The following SEPTIN9 variants were observed in gnomAD, a reference collection of about 807,000 sequenced individuals.
SEPTIN9 encodes the protein septin-9.
SEPTIN9 carries 13 observed loss-of-function variants against 56.6 expected under a neutral mutation model. That is an observed-to-expected ratio of 0.23 (90% CI 0.15 to 0.37). The LOEUF (loss-of-function observed/expected upper bound fraction) is 0.37. SEPTIN9 is among the 10% of genes least tolerant of loss of function. SEPTIN9 has a pLI of 1.00. For synonymous variants in SEPTIN9, 332 were observed against 334.1 expected (o/e 0.99, Z 0.07); for missense variants, 650 against 823.1 (o/e 0.79, Z 2.57).
intron 3 of SEPTIN9, among the ~76,000 whole-genome samples, chr17:77,418,236 G>A (rs2036571830): frequency 6.6e-6 from 1 of 152,194 alleles, no homozygotes; most frequent in African/African-American, 2.4e-5. Context: ...AGCCTCTTGT[G>A]GGTCTGAAGC....
intron 1 of SEPTIN9, among the ~76,000 whole-genome samples, chr17:77,291,031 ATTT>A (rs869237556): frequency 1.8e-5 from 2 of 108,786 alleles, no homozygotes; most frequent in Admixed American, 1.9e-4. Flanking sequence ...TGCCTGGCTA[ATTT>A]TTTTTTTTTT....
intron 2 of SEPTIN9, chr17:77,373,735 T>G (rs1240511219): frequency 8.1e-7 from 1 of 1,241,724 alleles, no homozygotes; most frequent in African/African-American, 1.6e-5. Flanking sequence ...CCGCGCCGCC[T>G]ACGTGGGGGA....
chr17:77,454,457 TGA>T, intron 3 of SEPTIN9: 1 of 809,906 alleles, frequency 1.2e-6, no homozygotes, highest in African/African-American at 1.9e-5. Context: ...GCTGTACGTG[TGA>T]GTTTGTTTGA....
intron 2 of SEPTIN9, among the ~76,000 whole-genome samples, chr17:77,362,006 C>T (rs1009403099): frequency 3.9e-5 from 6 of 152,252 alleles, no homozygotes. Flanking sequence ...CATGTAGACC[C>T]CATTTGTTTC....
chr17:77,449,525 A>G lies in SEPTIN9; in HGVS notation c.722-32619A>G, dbSNP rs116623422. 8.5e-3 allele frequency among the ~76,000 whole-genome samples: 1,295 copies of G among 152,198 alleles called. 22 individuals are homozygous for G. The highest frequency in any genetic ancestry group is 0.056 in the South Asian group (268 of 4,824). On this transcript the variant is annotated intron_variant, in intron 3 of 11. Transcript: ENST00000427177. The surrounding 1 kb of genome is among the most constrained non-coding windows in gnomAD (Gnocchi z 4.6). ...GATTGAGGCCAGAGGCAAAGAGAAG[A>G]AGGTTCGGAGAGGAGGGCCAAGGAA...
At position 77,429,688 on chromosome 17, in the gene SEPTIN9, G is replaced by A. The variant is rs1271757598; in HGVS notation, c.721+26985G>A. Among the ~76,000 whole-genome samples the A allele has an allele frequency of 6.6e-6, 1 of 152,028 alleles. No individual in the cohort carries two copies. Among genetic ancestry groups the A allele is most frequent in the Non-Finnish European group, 1.5e-5 (1 of 67,992 alleles). On this transcript the variant is annotated intron_variant, in intron 3 of 11. Transcript: ENST00000427177. The surrounding 1 kb of genome is among the most constrained non-coding windows in gnomAD (Gnocchi z 5.2). ...CTGGGCAGGAGCTGGCCAGTAATAG[G>A]CTGACGAGGGAGGCCCTGCTGGCTG...
chr17:77,421,728 T>G lies in SEPTIN9; in HGVS notation c.721+19025T>G, dbSNP rs2036710428. On this transcript the variant is annotated intron_variant, in intron 3 of 11. Transcript: ENST00000427177. The surrounding 1 kb of genome is among the most constrained non-coding windows in gnomAD (Gnocchi z 4.6). Reference sequence around the variant, plus strand: ...TCGGCCGACGTCTTTCCCCAGGCACTTCCTCTCACCGTGCCAGGGTGCAGG... The same window carrying G: ...TCGGCCGACGTCTTTCCCCAGGCACGTCCTCTCACCGTGCCAGGGTGCAGG... Among the ~76,000 whole-genome samples the G allele has an allele frequency of 1.3e-5, 2 of 152,174 alleles. No homozygotes were observed. Among genetic ancestry groups the G allele is most frequent in the African/African-American group, 4.8e-5 (2 of 41,424 alleles).
At chr17:77,485,234 TG>T (rs1390872687) in intron 4 of SEPTIN9, among the ~76,000 whole-genome samples, 33 of 131,860 alleles carry the variant, frequency 2.5e-4, no homozygotes, top group Non-Finnish European at 4.4e-4. Context: ...AAGGGGGTGA[TG>T]GTGGTGATTG....
At chr17:77,493,868 G>A (rs2040145213) in intron 10 of SEPTIN9, among the ~76,000 whole-genome samples, 2 of 150,760 alleles carry the variant, frequency 1.3e-5, no homozygotes, top group South Asian at 4.2e-4. Flanking sequence ...TGCCTCCTGG[G>A]TTCAAGTAAT....
At chr17:77,349,047 ATTTTCAC>A (rs1356659198) in intron 2 of SEPTIN9, among the ~76,000 whole-genome samples, 3 of 151,490 alleles carry the variant, frequency 2.0e-5, no homozygotes, top group African/African-American at 7.3e-5. Flanking sequence ...ATTCCCTTTC[ATTTTCAC>A]TTATCTGCAA....
chr17:77,384,331 G>A (rs373647045), intron 2 of SEPTIN9, among the ~76,000 whole-genome samples: 1 of 151,840 alleles, frequency 6.6e-6, no homozygotes, highest in Non-Finnish European at 1.5e-5. Context: ...CCCAGCACAC[G>A]GCGACTTCTG....
intron 2 of SEPTIN9, among the ~76,000 whole-genome samples, chr17:77,378,515 A>G (rs556235836): frequency 6.6e-5 from 10 of 152,196 alleles, no homozygotes; most frequent in Non-Finnish European, 1.2e-4. Context: ...TGGGCGGGAA[A>G]AGGGGGCATT....
rs1385260939 is a variant in SEPTIN9 at position 77,319,852 on chromosome 17, A to C, written c.76+12655A>C. 1 of 1,089,972 alleles carries C rather than the reference A, an allele frequency of 9.2e-7. No homozygotes were observed. The highest frequency in any genetic ancestry group is 1.6e-5 in the African/African-American group (1 of 61,676). 67.5% of individuals were successfully genotyped at this position (1,089,972 alleles called of 1,614,324 possible). On this transcript the variant is annotated intron_variant, in intron 2 of 11. Transcript: ENST00000427177. The surrounding 1 kb of genome is among the most constrained non-coding windows in gnomAD (Gnocchi z 5.3). ...AGTTAAGCATCTCCAAGTGGATATT[A>C]AAAAGGAGCAGCAAGCCTCGGGGCG...
rs1194451845 is a variant in SEPTIN9, at chr17:77,475,503, GA to G, written c.722-6640del. The G allele has an allele frequency of 1.9e-6, 3 of 1,608,132 alleles. No homozygotes were observed. The highest frequency in any genetic ancestry group is 2.5e-6 in the Non-Finnish European group (3 of 1,178,106). ...ACAGGGAGCATCTGTTAGTTTATAG[GA>G]CCTGAAGTGCCCCCATGGGCTCAAG... On this transcript the variant is annotated intron_variant, in intron 3 of 11. Transcript: ENST00000427177. This position sits in a 1 kb window ranked among gnomAD's most constrained non-coding sequence, Gnocchi z 4.6.
Position 77,475,214 on chromosome 17 carries a change from G to T in SEPTIN9, c.722-6930G>T. The T allele has an allele frequency of 7.9e-7, 1 of 1,258,946 alleles. No individual in the cohort carries two copies. Among genetic ancestry groups the T allele is most frequent in the Non-Finnish European group, 1.0e-6 (1 of 998,268 alleles). The allele number at this position is 1,258,946 out of a possible 1,614,324, so 78.0% of individuals were successfully genotyped here. A position where few individuals can be genotyped will look rare whatever the true frequency, so the allele number is the denominator to read the frequency against. On this transcript the variant is annotated intron_variant, in intron 3 of 11. Transcript: ENST00000427177. The surrounding 1 kb of genome is among the most constrained non-coding windows in gnomAD (Gnocchi z 4.6). Reference sequence around the variant, plus strand: ...ACAAACCCTGTGTGGGGGGGTTGTGGTGAGAGGAAACCGCACACATCATTA... The same window carrying T: ...ACAAACCCTGTGTGGGGGGGTTGTGTTGAGAGGAAACCGCACACATCATTA...
At chr17:77,464,670 G>GCAGT (rs1455321790) in intron 3 of SEPTIN9, among the ~76,000 whole-genome samples, 2 of 150,152 alleles carry the variant, frequency 1.3e-5, no homozygotes, top group African/African-American at 4.9e-5. Flanking sequence ...GCGCGATCTT[G>GCAGT]GCTCACTGCA....
intron 1 of SEPTIN9, among the ~76,000 whole-genome samples, chr17:77,285,885 G>A (rs1441478086): frequency 2.0e-5 from 3 of 152,248 alleles, no homozygotes; most frequent in Admixed American, 2.0e-4. Context: ...CCCTCACCCA[G>A]CGCCCCGGGA....
rs2032804366 is a variant in SEPTIN9 at position 77,319,016 on chromosome 17, T to G, written c.76+11819T>G. Among the ~76,000 whole-genome samples, 2 of 152,200 alleles carry G rather than the reference T, an allele frequency of 1.3e-5. No homozygotes were observed. The highest frequency in any genetic ancestry group is 4.8e-5 in the African/African-American group (2 of 41,450). On this transcript the variant is annotated intron_variant, in intron 2 of 11. Transcript: ENST00000427177. The surrounding 1 kb of genome is among the most constrained non-coding windows in gnomAD (Gnocchi z 5.3). Reference sequence around the variant, plus strand: ...GCCCTGTGCGGCCAGGCAGGAAGGCTTCCGTGGTGCGGCCACGCGTCCTCC... The same window carrying G: ...GCCCTGTGCGGCCAGGCAGGAAGGCGTCCGTGGTGCGGCCACGCGTCCTCC...
intron 3 of SEPTIN9, among the ~76,000 whole-genome samples, chr17:77,465,105 G>A (rs2038657267): frequency 6.6e-6 from 1 of 152,198 alleles, no homozygotes; most frequent in South Asian, 2.1e-4. Context: ...TGTGGCCTTG[G>A]TGTCTGGCTC....
Sources: allele counts gnomAD v4.1 joint callset (sites outside exome capture counted in the v4.1 genomes callset), GRCh38; gene constraint gnomAD v4.1.1; non-coding constraint Gnocchi (gnomAD v3.1); transcripts MANE v1.5; gene names NCBI Gene and HGNC (gene_info 2026-07-23, HGNC 2026-07-21).